The following RNF130 variants were observed in gnomAD, a reference collection of about 807,000 sequenced individuals.
RNF130 encodes the protein ring finger protein 130, also known as E3 ubiquitin-protein ligase RNF130.
In RNF130, 21 loss-of-function variants were observed where a neutral mutation model predicts 44.6. The ratio of observed to expected loss-of-function variants is 0.47; its 90% CI spans 0.33 to 0.68. RNF130 has a LOEUF of 0.68. Ranked by LOEUF, RNF130 falls within the 30% of genes least tolerant of loss-of-function variation. The pLI is 0.02. For missense variants in RNF130, 479 were observed against 560.6 expected (o/e 0.85, Z 1.47); for synonymous variants, 214 against 210.4 (o/e 1.02, Z -0.15).
At chr5:180,062,060 T>TC (rs1764999804) in intron 1 of RNF130, among the ~76,000 whole-genome samples, 1 of 150,002 alleles carries the variant, frequency 6.7e-6, no homozygotes. Flanking sequence ...AGCCTCTTTT[T>TC]TTTTTTTTTT....
intron 8 of RNF130, among the ~76,000 whole-genome samples, chr5:179,957,496 T>C (rs183073733): frequency 6.6e-6 from 1 of 152,306 alleles, no homozygotes; most frequent in East Asian, 1.9e-4. Flanking sequence ...TTAATACTCA[T>C]GTTGCAACTG....
intron 2 of RNF130, among the ~76,000 whole-genome samples, chr5:180,039,499 A>G (rs896960498): frequency 3.9e-5 from 6 of 152,142 alleles, no homozygotes; most frequent in African/African-American, 1.2e-4. Flanking sequence ...TGGCCTCCTA[A>G]AGTATATCTT....
At chr5:180,057,436 C>G (rs1456078385) in intron 1 of RNF130, among the ~76,000 whole-genome samples, 1 of 152,138 alleles carries the variant, frequency 6.6e-6, no homozygotes, top group Non-Finnish European at 1.5e-5. Context: ...GTAATTCCAG[C>G]TACTAGGGAG....
chr5:179,932,436 T>C (rs1761822141), intron 7 of RNF130, among the ~76,000 whole-genome samples: 1 of 152,140 alleles, frequency 6.6e-6, no homozygotes, highest in Admixed American at 6.5e-5. Flanking sequence ...TTTTCTGTAT[T>C]TTTAGTAGAG....
chr5:179,931,377 C>G (rs1305615905), intron 7 of RNF130, among the ~76,000 whole-genome samples: 1 of 152,132 alleles, frequency 6.6e-6, no homozygotes, highest in African/African-American at 2.4e-5. Context: ...TGCACATTTT[C>G]TGTGTTCTTT....
chr5:179,926,605 G>A (rs771488810), intron 7 of RNF130, among the ~76,000 whole-genome samples: 32 of 152,236 alleles, frequency 2.1e-4, no homozygotes, highest in African/African-American at 5.3e-4. Context: ...CCGAGATAGC[G>A]CCATTGCACT....
intron 1 of RNF130, among the ~76,000 whole-genome samples, chr5:180,042,347 T>C (rs1191632048): frequency 6.6e-6 from 1 of 152,212 alleles, no homozygotes; most frequent in African/African-American, 2.4e-5. Flanking sequence ...GTTTTCACAA[T>C]TTTTCATGAT....
At chr5:180,031,821 T>C (rs950438764) in intron 2 of RNF130, among the ~76,000 whole-genome samples, 1 of 152,218 alleles carries the variant, frequency 6.6e-6, no homozygotes, top group South Asian at 2.1e-4. Context: ...TTTAAATAAA[T>C]TGCCAAACTA....
At chr5:179,912,299 G>C (rs190426843) in exon 8 of RNF130, 1 of 152,340 alleles carries the variant, frequency 6.6e-6, no homozygotes, top group East Asian at 1.9e-4. Context: ...TCCTCCTCCT[G>C]TACAGGAACA....
At chr5:179,956,818 C>T (rs541846248) in intron 8 of RNF130, among the ~76,000 whole-genome samples, 1 of 152,230 alleles carries the variant, frequency 6.6e-6, no homozygotes, top group Non-Finnish European at 1.5e-5. Flanking sequence ...TGAGCTCTGG[C>T]GGGGCCAGAC....
chr5:180,000,809 T>C (rs1386651060), intron 3 of RNF130, among the ~76,000 whole-genome samples: 1 of 152,240 alleles, frequency 6.6e-6, no homozygotes, highest in African/African-American at 2.4e-5. Context: ...GTCTACACGT[T>C]TTCTTGTATC....
At chr5:180,032,063 T>C (rs925003018) in intron 2 of RNF130, among the ~76,000 whole-genome samples, 1 of 152,272 alleles carries the variant, frequency 6.6e-6, no homozygotes, top group African/African-American at 2.4e-5. Context: ...AGGTTGTTTA[T>C]CTTGTTGATT....
chr5:179,925,182 C>T (rs1418551120), intron 7 of RNF130, among the ~76,000 whole-genome samples: 1 of 152,196 alleles, frequency 6.6e-6, no homozygotes, highest in East Asian at 1.9e-4. Context: ...GGGCTGGTCA[C>T]CAGAAGGACC....
exon 8 of RNF130, chr5:179,913,766 C>A (rs977344652): frequency 3.9e-5 from 6 of 152,270 alleles, no homozygotes; most frequent in Admixed American, 2.0e-4. Flanking sequence ...TCCTGACCCC[C>A]AACCCAGCCC....
intron 7 of RNF130, among the ~76,000 whole-genome samples, chr5:179,927,342 CATA>C (rs3084833): frequency 0.41 from 61,609 of 151,788 alleles, 13,332 homozygotes; most frequent in East Asian, 0.76. Flanking sequence ...TTATTGGCTA[CATA>C]ATGTTATTAA....
At chr5:179,930,146 C>A (rs1265416515) in intron 7 of RNF130, among the ~76,000 whole-genome samples, 2 of 152,074 alleles carry the variant, frequency 1.3e-5, no homozygotes, top group African/African-American at 4.8e-5. Flanking sequence ...CGACCTCTGC[C>A]CCCCGGGTTC....
intron 1 of RNF130, among the ~76,000 whole-genome samples, chr5:180,062,610 A>G (rs1258787761): frequency 6.6e-6 from 1 of 152,252 alleles, no homozygotes; most frequent in Non-Finnish European, 1.5e-5. Context: ...AAATAGGGAT[A>G]TGAAGCCTAA....
chr5:180,050,838 C>G (rs1372392505), intron 1 of RNF130, among the ~76,000 whole-genome samples: 1 of 152,170 alleles, frequency 6.6e-6, no homozygotes, highest in Non-Finnish European at 1.5e-5. Context: ...GACAGGGTTT[C>G]ACTCTGTCGC....
At chr5:179,969,308 G>T (rs971315127) in intron 6 of RNF130, among the ~76,000 whole-genome samples, 1 of 151,904 alleles carries the variant, frequency 6.6e-6, no homozygotes, top group African/African-American at 2.4e-5. Context: ...GGCTGTGGTT[G>T]TCAACAGTTC....
Sources: allele counts gnomAD v4.1 joint callset (sites outside exome capture counted in the v4.1 genomes callset), GRCh38; gene constraint gnomAD v4.1.1; transcripts MANE v1.5; gene names NCBI Gene and HGNC (gene_info 2026-07-23, HGNC 2026-07-21).